PLD5: variants seen among roughly 807,000 people sequenced by gnomAD.
The protein encoded by PLD5 is inactive phospholipase D5.
Under a neutral mutation model 61.1 loss-of-function variants are expected in PLD5, and 36 were observed. The observed-to-expected ratio is 0.59, with a 90% CI of 0.45 to 0.78. The LOEUF (loss-of-function observed/expected upper bound fraction) is 0.78. Among genes scored for constraint, PLD5 ranks in the 30% least tolerant of loss-of-function variants. PLD5 has a pLI of 0.00. For synonymous variants in PLD5, 243 were observed against 242.8 expected, an observed-to-expected ratio of 1.00 and a Z score of -0.01; for missense variants, 515 against 644.4, an observed-to-expected ratio of 0.80 and a Z score of 2.17.
At chr1:242,220,837 A>G (rs1338989730) in intron 4 of PLD5, among the ~76,000 whole-genome samples, 1 of 151,868 alleles carries the variant, frequency 6.6e-6, no homozygotes, top group African/African-American at 2.4e-5. Flanking sequence ...CCCAGGTTTA[A>G]GTGATTCCCT....
In PLD5 at chr1:242,493,415, C is replaced by A. The variant is rs149027702; in HGVS notation, c.189+30673G>T. Among the ~76,000 whole-genome samples the A allele has an allele frequency of 4.7e-4, 71 of 152,244 alleles. 1 individual carries two copies. The East Asian group carries it at 9.5e-3, about 20-fold the overall frequency. On this transcript the variant is annotated intron_variant, in intron 1 of 9. Coordinates refer to ENST00000536534, the MANE Select transcript of PLD5 (RefSeq NM_001372062.1). ...CAGAACAGGAGGAGAGAGGCGAGCA[C>A]CGGGTTATGCTTCTGGACAGCGTCC...
Position 242,520,200 on chromosome 1 carries a change from T to A in PLD5, c.189+3888A>T, listed in dbSNP as rs186969446. Among the ~76,000 whole-genome samples, 130 of 152,322 alleles carry A rather than the reference T, an allele frequency of 8.5e-4. 1 individual carries two copies. The Middle Eastern group carries it at 0.027, about 32-fold the overall frequency. Reference sequence around the variant, plus strand: ...CTAAATCATTACATGATTTTCCAACTGCTCTTTAGCTGCTTTGGCAGCCAC... The same window carrying A: ...CTAAATCATTACATGATTTTCCAACAGCTCTTTAGCTGCTTTGGCAGCCAC... On this transcript the variant is annotated intron_variant, in intron 1 of 9. Coordinates refer to ENST00000536534, the MANE Select transcript of PLD5 (RefSeq NM_001372062.1).
intron 2 of PLD5, among the ~76,000 whole-genome samples, chr1:242,301,055 G>C (rs1358530517): frequency 6.6e-6 from 1 of 152,106 alleles, no homozygotes; most frequent in African/African-American, 2.4e-5. Context: ...TGAATGAGCT[G>C]ATTGTGAGAC....
At chr1:242,225,134 T>C (rs1291278726) in intron 4 of PLD5, among the ~76,000 whole-genome samples, 1 of 152,246 alleles carries the variant, frequency 6.6e-6, no homozygotes, top group Non-Finnish European at 1.5e-5. Flanking sequence ...CATGCTGTCA[T>C]GTGGAACAGT....
chr1:242,294,959 T>G (rs1433156039), intron 2 of PLD5, among the ~76,000 whole-genome samples: 1 of 152,198 alleles, frequency 6.6e-6, no homozygotes, highest in Non-Finnish European at 1.5e-5. Context: ...GGATCAGTTA[T>G]CAGGACCTGA....
At chr1:242,313,813 A>ATCATTGG (rs1553348018) in intron 2 of PLD5, among the ~76,000 whole-genome samples, 1 of 151,760 alleles carries the variant, frequency 6.6e-6, no homozygotes, top group Non-Finnish European at 1.5e-5. Context: ...TGCTTCATTG[A>ATCATTGG]TCTTGCACTA....
intron 5 of PLD5, among the ~76,000 whole-genome samples, chr1:242,155,218 T>C (rs942429559): frequency 1.3e-5 from 2 of 152,096 alleles, no homozygotes; most frequent in African/African-American, 4.8e-5. Flanking sequence ...TTTTTTTGTG[T>C]GTCTATTTGA....
At chr1:242,235,790 A>C (rs541932394) in intron 4 of PLD5, 1 of 152,126 alleles carries the variant, frequency 6.6e-6, no homozygotes, top group Non-Finnish European at 1.5e-5. Context: ...CACACACCTC[A>C]CAGAGAGGCA....
chr1:242,529,535 A>G (rs934568629), upstream of PLD5, among the ~76,000 whole-genome samples: 4 of 152,170 alleles, frequency 2.6e-5, no homozygotes, highest in African/African-American at 9.6e-5. Flanking sequence ...AAGGGGCAAC[A>G]CTATGGCAGA....
In PLD5 at chr1:242,367,105, T is replaced by C. The variant is rs990559435; in HGVS notation, c.190-18863A>G. 7.2e-5 allele frequency among the ~76,000 whole-genome samples: 11 copies of C among 152,220 alleles called. No homozygotes were observed. In the South Asian group the frequency reaches 2.1e-3, roughly 29 times the overall value. On this transcript the variant is annotated intron_variant, in intron 1 of 9. Transcript: ENST00000536534. The stretch of plus-strand genomic sequence containing the variant: ...AAAATGTTAACTGAGCACAGAGCCC[T>C]ACTCTACTCCCCATCTTATAAAAAA...
chr1:242,181,513 G>A (rs1558313598), intron 5 of PLD5, among the ~76,000 whole-genome samples: 2 of 151,784 alleles, frequency 1.3e-5, no homozygotes, highest in Non-Finnish European at 2.9e-5. Context: ...TAACATACAT[G>A]GTCTCATTAT....
At chr1:242,400,147 G>T (rs56844396) in intron 1 of PLD5, among the ~76,000 whole-genome samples, 3,034 of 151,306 alleles carry the variant, frequency 0.02, 116 homozygotes, top group East Asian at 0.11. Context: ...CAGCCTGAGC[G>T]ACAAGAGTAC....
intron 5 of PLD5, among the ~76,000 whole-genome samples, chr1:242,180,176 T>C (rs1667432680): frequency 6.6e-6 from 1 of 152,148 alleles, no homozygotes. Context: ...CCTGGGAAAC[T>C]AGGGCACTCA....
intron 1 of PLD5, among the ~76,000 whole-genome samples, chr1:242,432,929 C>G (rs1019274508): frequency 1.3e-5 from 2 of 152,220 alleles, no homozygotes; most frequent in Non-Finnish European, 2.9e-5. Flanking sequence ...AAATCACCCT[C>G]AGAATCCTGC....
chr1:242,494,087 TCCCTTCCCCTCTCCTCCCCTCTCC>T (rs1261021697), intron 1 of PLD5, among the ~76,000 whole-genome samples: 50 of 99,132 alleles, frequency 5.0e-4, no homozygotes, highest in Non-Finnish European at 7.0e-4. Context: ...TCCCCTGCCC[TCCCTTCCCCTCTCCTCCCCTCTCC>T]TCCCCTCTCC....
chr1:242,309,086 A>G (rs1676543854), intron 2 of PLD5, among the ~76,000 whole-genome samples: 1 of 152,260 alleles, frequency 6.6e-6, no homozygotes, highest in Non-Finnish European at 1.5e-5. Context: ...AGAGGGGAAG[A>G]TCATATTTAA....
intron 2 of PLD5, among the ~76,000 whole-genome samples, chr1:242,337,631 CAAAT>C (rs1314209405): frequency 2.0e-5 from 3 of 152,164 alleles, no homozygotes; most frequent in Non-Finnish European, 4.4e-5. Flanking sequence ...AACACCGTCT[CAAAT>C]AAATAAATAA....
intron 3 of PLD5, among the ~76,000 whole-genome samples, chr1:242,273,975 G>C (rs1355813833): frequency 1.3e-5 from 2 of 152,244 alleles, no homozygotes; most frequent in South Asian, 4.1e-4. Context: ...GTTTTGATCC[G>C]GGGAAACTGA....
intron 4 of PLD5, among the ~76,000 whole-genome samples, chr1:242,222,832 C>T (rs1237032051): frequency 6.6e-6 from 1 of 152,176 alleles, no homozygotes; most frequent in Non-Finnish European, 1.5e-5. Context: ...GCCTCTGCAG[C>T]TACTTAATGA....
Sources: allele counts gnomAD v4.1 joint callset (sites outside exome capture counted in the v4.1 genomes callset), GRCh38; gene constraint gnomAD v4.1.1; transcripts MANE v1.5; gene names NCBI Gene and HGNC (gene_info 2026-07-23, HGNC 2026-07-21).